Variants in EXOC4 observed in about 807,000 individuals in gnomAD.
EXOC4 encodes the protein SEC8-like 1.
A neutral mutation model predicts 107.2 loss-of-function variants in EXOC4; 71 were observed. That is an observed-to-expected ratio of 0.66 (90% CI 0.55 to 0.81). The LOEUF (loss-of-function observed/expected upper bound fraction) is 0.81, where lower values mean the gene tolerates loss of function less well. EXOC4 is among the 30% of genes least tolerant of loss of function. The probability of loss-of-function intolerance (pLI) is 0.00; values close to 1 mark genes in which losing one functional copy is unlikely to be tolerated. For missense variants in EXOC4, 1,108 were observed against 1,189.6 expected (o/e 0.93, Z 1.01); for synonymous variants, 456 against 441.2 (o/e 1.03, Z -0.42).
intron 10 of EXOC4, among the ~76,000 whole-genome samples, chr7:133,665,403 G>C (rs1055593378): frequency 6.6e-6 from 1 of 152,110 alleles, no homozygotes; most frequent in Non-Finnish European, 1.5e-5. Context: ...TATTAGACCA[G>C]TTGATTTGTA....
At chr7:133,788,293 C>A (rs1312236310) in intron 10 of EXOC4, among the ~76,000 whole-genome samples, 1 of 151,730 alleles carries the variant, frequency 6.6e-6, no homozygotes, top group African/African-American at 2.4e-5. Flanking sequence ...TCTCTCCTCT[C>A]AACTCTCAGT....
chr7:133,388,428 T>A (rs923617772), intron 7 of EXOC4, among the ~76,000 whole-genome samples: 1 of 152,152 alleles, frequency 6.6e-6, no homozygotes, highest in Non-Finnish European at 1.5e-5. Context: ...GGTGGGCAGA[T>A]CACTTGAGGT....
chr7:134,013,626 A>G (rs1178030482), intron 17 of EXOC4, among the ~76,000 whole-genome samples: 1 of 152,212 alleles, frequency 6.6e-6, no homozygotes, highest in Non-Finnish European at 1.5e-5. Flanking sequence ...ACTGGGTACA[A>G]ATTATATGTG....
intron 10 of EXOC4, among the ~76,000 whole-genome samples, chr7:133,760,464 T>C (rs916442108): frequency 6.6e-6 from 1 of 152,158 alleles, no homozygotes; most frequent in Non-Finnish European, 1.5e-5. Flanking sequence ...TCACTGGCTA[T>C]AAAATCAACT....
chr7:133,412,529 T>A (rs1584896841), intron 7 of EXOC4, among the ~76,000 whole-genome samples: 1 of 152,096 alleles, frequency 6.6e-6, no homozygotes, highest in East Asian at 1.9e-4. Context: ...ACACAATTAA[T>A]CCCAAACCGC....
chr7:133,513,747 G>A (rs1799818236), intron 9 of EXOC4, among the ~76,000 whole-genome samples: 1 of 152,150 alleles, frequency 6.6e-6, no homozygotes, highest in African/African-American at 2.4e-5. Flanking sequence ...TAAAGTTAAA[G>A]TAAATAGACC....
In EXOC4 at chr7:133,323,038, T is replaced by C. The variant is rs540043528; in HGVS notation, c.763+5648T>C. Among the ~76,000 whole-genome samples, 186 of 152,202 alleles carry C rather than the reference T, an allele frequency of 1.2e-3. 4 individuals carry two copies. The highest frequency in any genetic ancestry group is 0.012 in the South Asian group (57 of 4,826). On this transcript the variant is annotated intron_variant, in intron 5 of 17. Coordinates refer to ENST00000253861, the MANE Select transcript of EXOC4 (RefSeq NM_021807.4). ...GTCTGTTATTGGTGTATAGGAATGC[T>C]TGTGATTTTTGCACATTGATTTTGT... is the stretch of plus-strand genomic sequence containing the variant.
At chr7:133,283,382 C>T (rs1339818447) in intron 2 of EXOC4, among the ~76,000 whole-genome samples, 25 of 152,160 alleles carry the variant, frequency 1.6e-4, no homozygotes, top group Non-Finnish European at 4.4e-5. Flanking sequence ...AACAGATTTC[C>T]TTCTTTTTAA....
At chr7:133,502,236 A>G (rs1482715283) in intron 9 of EXOC4, among the ~76,000 whole-genome samples, 1 of 152,104 alleles carries the variant, frequency 6.6e-6, no homozygotes, top group African/African-American at 2.4e-5. Flanking sequence ...GGAAATTCAG[A>G]GGAGGGAAAG....
chr7:133,899,269 C>T (rs558593618), intron 12 of EXOC4, among the ~76,000 whole-genome samples: 16 of 151,990 alleles, frequency 1.1e-4, no homozygotes, highest in Non-Finnish European at 2.4e-4. Context: ...CACTGATAGC[C>T]GTTTATATTG....
chr7:133,461,790 T>C (rs1272424904), intron 7 of EXOC4, among the ~76,000 whole-genome samples: 1 of 152,226 alleles, frequency 6.6e-6, no homozygotes, highest in African/African-American at 2.4e-5. Context: ...AGCTGCTGTT[T>C]GGAGCATCTT....
intron 10 of EXOC4, among the ~76,000 whole-genome samples, chr7:133,789,122 A>T (rs1796650887): frequency 6.6e-6 from 1 of 152,172 alleles, no homozygotes; most frequent in Non-Finnish European, 1.5e-5. Context: ...CACAGGGTAG[A>T]TTATGGCACT....
intron 7 of EXOC4, among the ~76,000 whole-genome samples, chr7:133,420,487 TCTG>T (rs1018052796): frequency 6.6e-6 from 1 of 152,158 alleles, no homozygotes; most frequent in Admixed American, 6.5e-5. Context: ...TGGGAGGGGT[TCTG>T]CTAGCTTCAG....
intron 11 of EXOC4, among the ~76,000 whole-genome samples, chr7:133,823,892 ATTTT>A (rs1563015065): frequency 1.7e-4 from 3 of 17,756 alleles, no homozygotes; most frequent in East Asian, 1.3e-3. Flanking sequence ...ATATATATAT[ATTTT>A]ATATATATAT....
chr7:133,768,004 C>T (rs1432462045), intron 10 of EXOC4: 1 of 151,964 alleles, frequency 6.6e-6, no homozygotes, highest in Non-Finnish European at 1.5e-5. Context: ...GAAAGTTGTG[C>T]TTATCCATGA....
chr7:133,457,602 T>C (rs1033726020), intron 7 of EXOC4, among the ~76,000 whole-genome samples: 1 of 152,208 alleles, frequency 6.6e-6, no homozygotes, highest in African/African-American at 2.4e-5. Context: ...AATGCTATTC[T>C]TAGGAAGAGG....
At chr7:134,081,662 T>C in the EXOC4 span, among the ~76,000 whole-genome samples, 1 of 152,166 alleles carries the variant, frequency 6.6e-6, no homozygotes, top group Admixed American at 6.5e-5. Context: ...ATTGGTTGAA[T>C]GGGAGGGCGT....
At chr7:134,064,269 G>C in intron 17 of EXOC4, 22 bp from the exon 18 acceptor site, 1 of 1,406,270 alleles carries the variant, frequency 7.1e-7, no homozygotes, top group Non-Finnish European at 9.4e-7. Flanking sequence ...CCAGTGAGCA[G>C]TGTTCTCTCT....
At chr7:133,957,787 A>G (rs1244866577) in intron 14 of EXOC4, among the ~76,000 whole-genome samples, 2 of 152,246 alleles carry the variant, frequency 1.3e-5, no homozygotes, top group Non-Finnish European at 2.9e-5. Flanking sequence ...GGAAACAAGA[A>G]TAGTGAAAAT....
Sources: gnomAD v4.1 joint callset for allele counts (sites outside exome capture counted in the v4.1 genomes callset) on GRCh38, gnomAD v4.1.1 for gene constraint, MANE v1.5 for transcripts, NCBI Gene and HGNC (gene_info 2026-07-23, HGNC 2026-07-21) for gene names.